The following SOD2 variants were observed in gnomAD, a reference collection of about 807,000 sequenced individuals.
SOD2 encodes the protein superoxide dismutase [Mn], mitochondrial.
A neutral mutation model predicts 27.0 loss-of-function variants in SOD2; 11 were observed. The ratio of observed to expected loss-of-function variants is 0.41; its 90% CI spans 0.26 to 0.67. The LOEUF (loss-of-function observed/expected upper bound fraction) is 0.67, where lower values mean the gene tolerates loss of function less well. Ranked by LOEUF, SOD2 falls within the 30% of genes least tolerant of loss-of-function variation. The probability of loss-of-function intolerance (pLI) is 0.34; values close to 1 mark genes in which losing one functional copy is unlikely to be tolerated. For synonymous variants in SOD2, 105 were observed against 103.0 expected (o/e 1.02, Z -0.12); for missense variants, 250 against 274.5 (o/e 0.91, Z 0.63).
chr6:159,738,350 CTA>C (rs1779045934), intron 1 of SOD2, among the ~76,000 whole-genome samples: 1 of 152,146 alleles, frequency 6.6e-6, no homozygotes, highest in African/African-American at 2.4e-5. Context: ...CTTTTTGAGA[CTA>C]TTTTTTTTCC....
chr6:159,671,007 G>C lies in SOD2; in HGVS notation c.*11486C>G, dbSNP rs1486645425. On this transcript the variant is annotated 3_prime_UTR_variant, in exon 5 of 5. Coordinates refer to ENST00000538183, the MANE Select transcript of SOD2 (RefSeq NM_000636.4). Reference sequence around the variant, plus strand: ...TTGCTCATTGCTAGCACAGCAGTCTGAGATCGAACTGCAAGGTGGCAGTGA... The same window carrying C: ...TTGCTCATTGCTAGCACAGCAGTCTCAGATCGAACTGCAAGGTGGCAGTGA... 1 of 152,432 alleles carries C rather than the reference G, an allele frequency of 6.6e-6. No homozygotes were observed. Among genetic ancestry groups the C allele is most frequent in the African/African-American group, 2.4e-5 (1 of 41,456 alleles). The allele number at this position is 152,432 out of a possible 1,614,324, so 9.4% of individuals were successfully genotyped here.
intron 1 of SOD2, chr6:159,742,199 A>C (rs1779298821): frequency 7.0e-7 from 1 of 1,427,920 alleles, no homozygotes; most frequent in Non-Finnish European, 9.6e-7. Context: ...TTTGATTGTT[A>C]AAATCAAAAG....
At chr6:159,727,392 G>GGGAGGCGGGAGGT, upstream of SOD2, 2 of 1,223,004 alleles carry the variant, frequency 1.6e-6, no homozygotes, top group Non-Finnish European at 2.1e-6. Context: ...GGCGGGAGGC[G>GGGAGGCGGGAGGT]GGAGGCGGGA....
At chr6:159,709,133 T>G (rs1034781160) in intron 1 of SOD2, among the ~76,000 whole-genome samples, 1 of 152,198 alleles carries the variant, frequency 6.6e-6, no homozygotes, top group Non-Finnish European at 1.5e-5. Context: ...GATTAAAGAC[T>G]TAAATGTTAG....
Position 159,672,124 on chromosome 6 carries a change from C to T in SOD2, c.*10369G>A, listed in dbSNP as rs1779680059. ...ACCAAATCTACGTCTGATTGGTGTA[C>T]CTGAAAGTGACGGGGAGAATGGAAC... On this transcript the variant is annotated 3_prime_UTR_variant, in exon 5 of 5. Transcript: ENST00000538183. The T allele has an allele frequency of 6.6e-6, 1 of 152,142 alleles. No individual in the cohort carries two copies. Among genetic ancestry groups the T allele is most frequent in the Non-Finnish European group, 1.5e-5 (1 of 68,038 alleles). 9.4% of individuals were successfully genotyped at this position (152,142 alleles called of 1,614,324 possible).
intron 2 of SOD2, 124 bp from the exon 3 acceptor site, chr6:159,688,366 G>A: frequency 1.5e-6 from 1 of 650,934 alleles, no homozygotes. Flanking sequence ...ACATCCGTTT[G>A]TCCTAAAATT....
At chr6:159,755,627 T>C (rs775298417) in intron 1 of SOD2, 5 of 1,570,636 alleles carry the variant, frequency 3.2e-6, no homozygotes, top group Middle Eastern at 3.4e-4. Flanking sequence ...TTTCAGCAAA[T>C]TTTTATACAG....
chr6:159,682,813 A>G (rs1173283189), intron 4 of SOD2, among the ~76,000 whole-genome samples, 175 bp from the exon 5 acceptor site: 2 of 152,236 alleles, frequency 1.3e-5, no homozygotes, highest in African/African-American at 2.4e-5. Flanking sequence ...TTCCTATAAA[A>G]TATTTTTAAT....
chr6:159,726,890 CG>C, intron 1 of SOD2: 7 of 1,289,180 alleles, frequency 5.4e-6, no homozygotes, highest in Non-Finnish European at 7.1e-6. Flanking sequence ...CGCGGCTCGC[CG>C]CCCACGGCCT....
At chr6:159,751,439 G>A (rs536433782) in intron 1 of SOD2, among the ~76,000 whole-genome samples, 87 of 152,332 alleles carry the variant, frequency 5.7e-4, no homozygotes, top group Admixed American at 2.4e-3. Context: ...AGTTTTGAGA[G>A]CATAGGCAGT....
intron 1 of SOD2, among the ~76,000 whole-genome samples, chr6:159,739,824 CTTTTTTTTTTTTTTTTTTTTTTTT>C (rs56389349): frequency 1.2e-5 from 1 of 85,158 alleles, no homozygotes; most frequent in African/African-American, 4.6e-5. Context: ...CACTTTTTAC[CTTTTTTTTTTTTTTTTTTTTTTTT>C]TTTTTTTTTG....
rs564390559 is a variant in SOD2, at chr6:159,713,376, T to C, written c.-116+13753A>G. The C allele has an allele frequency of 2.9e-5, 19 of 652,558 alleles. No homozygotes were observed. The South Asian group carries it at 3.6e-4, about 12-fold the overall frequency. The allele number at this position is 652,558 out of a possible 1,614,324, so 40.4% of individuals were successfully genotyped here. On this transcript the variant is annotated intron_variant, in intron 1 of 2. Transcript: ENST00000401980. ...CAGCCCCTGGCCTATCACTGGGACC[T>C]GGCCACTGCACAGCCATGAGCTTCT...
intron 1 of SOD2, among the ~76,000 whole-genome samples, chr6:159,736,107 A>T (rs920471064): frequency 1.3e-5 from 2 of 152,184 alleles, no homozygotes; most frequent in African/African-American, 4.8e-5. Flanking sequence ...TTGTAAATCT[A>T]AAACTATTTT....
chr6:159,725,639 AAGAC>A (rs1253204011), intron 1 of SOD2: 1 of 152,000 alleles, frequency 6.6e-6, no homozygotes, highest in African/African-American at 2.4e-5. Flanking sequence ...TAAAAGTTCA[AAGAC>A]AGAGAAATCT....
intron 4 of SOD2, among the ~76,000 whole-genome samples, chr6:159,683,691 G>C (rs1780057317): frequency 1.3e-5 from 2 of 152,208 alleles, no homozygotes; most frequent in Non-Finnish European, 1.5e-5. Context: ...GGAGAGGAAG[G>C]AGTGTAGCTG....
At chr6:159,728,292 A>C (rs988917247), upstream of SOD2, among the ~76,000 whole-genome samples, 1 of 152,128 alleles carries the variant, frequency 6.6e-6, no homozygotes, top group Non-Finnish European at 1.5e-5. Flanking sequence ...CGTTTTTCAT[A>C]AGTCTGTGTA....
chr6:159,736,181 A>G lies in SOD2; in HGVS notation c.-116+8949T>C, dbSNP rs1368712230. The G allele has an allele frequency of 5.1e-6, 7 of 1,370,484 alleles. 1 individual carries two copies. Among genetic ancestry groups the G allele is most frequent in the Non-Finnish European group, 7.1e-6 (7 of 983,368 alleles). 84.9% of individuals were successfully genotyped at this position (1,370,484 alleles called of 1,614,324 possible). A position where few individuals can be genotyped will look rare whatever the true frequency, so the allele number is the denominator to read the frequency against. ...TTAGTTCACTAATAAATTGATTTGA[A>G]AGAGTCAGTATTTTTTATTCCTACT... is the stretch of plus-strand genomic sequence containing the variant. On this transcript the variant is annotated intron_variant, in intron 1 of 3. Transcript: ENST00000537657.
At position 159,675,687 on chromosome 6, in the gene SOD2, G is replaced by T. The variant is rs1779765015; in HGVS notation, c.*6806C>A. ...CAGTACCATTCAGGACACAGGCATGGGCAAGGACTTCATGTCTAAAACACC... is the reference window on the plus strand; with the variant it reads ...CAGTACCATTCAGGACACAGGCATGTGCAAGGACTTCATGTCTAAAACACC... On this transcript the variant is annotated 3_prime_UTR_variant, in exon 5 of 5. Transcript: ENST00000538183. 1 of 152,118 alleles carries T rather than the reference G, an allele frequency of 6.6e-6. No individual in the cohort carries two copies. The highest frequency in any genetic ancestry group is 2.4e-5 in the African/African-American group (1 of 41,422). 9.4% of individuals were successfully genotyped at this position (152,118 alleles called of 1,614,324 possible).
At position 159,755,755 on chromosome 6, in the gene SOD2, T is replaced by C. The variant is rs1472640576; in HGVS notation, c.-336+5282A>G. ...TTTGTTGTTTTTTTTCTTTGTTTTTTTTTTCTTTTCTTTTTTTTTTTTTTT... is the reference window on the plus strand; with the variant it reads ...TTTGTTGTTTTTTTTCTTTGTTTTTCTTTTCTTTTCTTTTTTTTTTTTTTT... On this transcript the variant is annotated intron_variant, in intron 1 of 7. Transcript: ENST00000546087. 9.3e-6 allele frequency: 10 copies of C among 1,077,662 alleles called. No individual in the cohort carries two copies. In the Admixed American group the frequency reaches 1.7e-4, roughly 19 times the overall value. 66.8% of individuals were successfully genotyped at this position (1,077,662 alleles called of 1,614,324 possible).
Sources: allele counts gnomAD v4.1 joint callset (sites outside exome capture counted in the v4.1 genomes callset), GRCh38; gene constraint gnomAD v4.1.1; transcripts MANE v1.5; gene names NCBI Gene and HGNC (gene_info 2026-07-23, HGNC 2026-07-21).